CREG2: variants seen among roughly 807,000 people sequenced by gnomAD.
CREG2 encodes the protein cellular repressor of E1A stimulated genes 2.
Under a neutral mutation model 26.2 loss-of-function variants are expected in CREG2, and 24 were observed. The observed-to-expected ratio is 0.92, with a 90% CI of 0.66 to 1.29. The LOEUF is 1.29. Among genes scored for constraint, CREG2 ranks in the 50% most tolerant of loss-of-function variants. CREG2 has a pLI of 0.00. For synonymous variants in CREG2, 174 were observed against 169.2 expected (o/e 1.03, Z -0.22); for missense variants, 366 against 398.6 (o/e 0.92, Z 0.70).
At chr2:101,373,772 G>A (rs185663362) in intron 2 of CREG2, among the ~76,000 whole-genome samples, 37 of 152,230 alleles carry the variant, frequency 2.4e-4, no homozygotes, top group African/African-American at 8.7e-4. Context: ...ATATGACCTC[G>A]GAAACCAGAG....
At position 101,348,303 on chromosome 2, in the gene CREG2, C is replaced by T. The variant is rs541191211; in HGVS notation, c.*2620G>A. The T allele has an allele frequency of 1.2e-4, 19 of 152,328 alleles. No homozygotes were observed. Among genetic ancestry groups the T allele is most frequent in the African/African-American group, 4.6e-4 (19 of 41,580 alleles). The allele number at this position is 152,328 out of a possible 1,614,324, so 9.4% of individuals were successfully genotyped here. On this transcript the variant is annotated 3_prime_UTR_variant, in exon 4 of 4. Transcript: ENST00000324768. ...TCAATGCCTGTGCCTTTCCATGTAACTTTTAAAATAAGCTTGTATAGGTCT... is the reference window on the plus strand; with the variant it reads ...TCAATGCCTGTGCCTTTCCATGTAATTTTTAAAATAAGCTTGTATAGGTCT...
intron 1 of CREG2, among the ~76,000 whole-genome samples, chr2:101,385,037 G>C (rs1468046187): frequency 1.3e-5 from 2 of 152,160 alleles, no homozygotes; most frequent in East Asian, 3.9e-4. Flanking sequence ...ATGCAGAACT[G>C]TGAGCCAAAT....
chr2:101,359,351 T>G (rs1315992959), intron 2 of CREG2, among the ~76,000 whole-genome samples: 7 of 152,202 alleles, frequency 4.6e-5, no homozygotes, highest in Admixed American at 4.6e-4. Context: ...TTATGGGACT[T>G]GTACACATGC....
chr2:101,363,240 AT>A (rs1453792755), intron 2 of CREG2, among the ~76,000 whole-genome samples: 1 of 152,210 alleles, frequency 6.6e-6, no homozygotes, highest in Admixed American at 6.5e-5. Flanking sequence ...TGGGAGAATG[AT>A]CAGTCACAGC....
At chr2:101,359,832 C>T (rs1361779534) in intron 2 of CREG2, among the ~76,000 whole-genome samples, 1 of 152,330 alleles carries the variant, frequency 6.6e-6, no homozygotes. Flanking sequence ...AACCAGACTC[C>T]CTGGGAAAAG....
At chr2:101,358,751 G>GCAGGAGTGAGAGTTTATTAAAAA (rs1684497781) in intron 2 of CREG2, among the ~76,000 whole-genome samples, 1 of 110,498 alleles carries the variant, frequency 9.0e-6, no homozygotes, top group African/African-American at 2.8e-5. Context: ...TGAGAACTGA[G>GCAGGAGTGAGAGTTTATTAAAAA]GTGGCCGGGC....
intron 2 of CREG2, among the ~76,000 whole-genome samples, chr2:101,358,331 C>T (rs1684492205): frequency 6.6e-6 from 1 of 152,184 alleles, no homozygotes; most frequent in Non-Finnish European, 1.5e-5. Context: ...CCAGACTCCA[C>T]CTCTCCTCTA....
Position 101,345,988 on chromosome 2 carries a change from T to C in CREG2, c.*4935A>G, listed in dbSNP as rs920037809. ...ACAGGTGTGCACCACCATGCTGGGC[T>C]TTTTTTTTTTTTTTTTTAATAAATA... On this transcript the variant is annotated 3_prime_UTR_variant, in exon 4 of 4. Transcript: ENST00000324768. 26 of 5,094 alleles carry C rather than the reference T, an allele frequency of 5.1e-3. No individual in the cohort carries two copies. The highest frequency in any genetic ancestry group is 7.8e-3 in the African/African-American group (26 of 3,352). The allele number at this position is 5,094 out of a possible 1,614,324, so 0.3% of individuals were successfully genotyped here.
chr2:101,380,449 G>A (rs538472541), intron 2 of CREG2, among the ~76,000 whole-genome samples: 5 of 152,312 alleles, frequency 3.3e-5, no homozygotes, highest in African/African-American at 7.2e-5. Context: ...AAACGGCCGC[G>A]AAGGCACCCC....
At chr2:101,376,651 T>C (rs1315593456) in intron 2 of CREG2, among the ~76,000 whole-genome samples, 3 of 152,204 alleles carry the variant, frequency 2.0e-5, no homozygotes. Flanking sequence ...AGTTCTGTAT[T>C]CTGGTAGGGT....
chr2:101,358,757 C>CACTTGGAA (rs1684498475), intron 2 of CREG2, among the ~76,000 whole-genome samples: 1 of 25,820 alleles, frequency 3.9e-5, no homozygotes, highest in African/African-American at 6.6e-5. Context: ...CTGAGGTGGC[C>CACTTGGAA]GGGCGCGGTG....
chr2:101,379,743 G>A (rs1260774494), intron 2 of CREG2, among the ~76,000 whole-genome samples: 4 of 152,188 alleles, frequency 2.6e-5, no homozygotes, highest in Non-Finnish European at 4.4e-5. Context: ...GGCAGACACC[G>A]CTATTTATTC....
At position 101,348,689 on chromosome 2, in the gene CREG2, A is replaced by AAG. The variant is rs1684336770; in HGVS notation, c.*2233_*2234insCT. ...CTAGTTCCAGAGTTTTTTTTTAAAAAAAATAGATTATTTGGAATTTCTATG... is the reference window on the plus strand; with the variant it reads ...CTAGTTCCAGAGTTTTTTTTTAAAAAAGAAATAGATTATTTGGAATTTCTATG... On this transcript the variant is annotated 3_prime_UTR_variant, in exon 4 of 4. Coordinates refer to ENST00000324768, the MANE Select transcript of CREG2 (RefSeq NM_153836.4). 1 of 152,098 alleles carries AAG rather than the reference A, an allele frequency of 6.6e-6. No individual in the cohort carries two copies. Among genetic ancestry groups the AAG allele is most frequent in the Non-Finnish European group, 1.5e-5 (1 of 68,020 alleles). 9.4% of individuals were successfully genotyped at this position (152,098 alleles called of 1,614,324 possible).
chr2:101,359,309 C>T (rs954611934), intron 2 of CREG2, among the ~76,000 whole-genome samples: 16 of 152,178 alleles, frequency 1.1e-4, no homozygotes, highest in Non-Finnish European at 1.9e-4. Context: ...CAGTGGCCTG[C>T]CAGCTCTTGG....
At chr2:101,360,403 T>C (rs761152315) in intron 2 of CREG2, among the ~76,000 whole-genome samples, 13 of 152,132 alleles carry the variant, frequency 8.5e-5, no homozygotes, top group Non-Finnish European at 1.6e-4. Flanking sequence ...CTCATTTTGG[T>C]TATCAAGAAA....
chr2:101,370,231 C>T (rs1684683792), intron 2 of CREG2, among the ~76,000 whole-genome samples: 1 of 152,150 alleles, frequency 6.6e-6, no homozygotes, highest in African/African-American at 2.4e-5. Flanking sequence ...TTCATGTATA[C>T]CATATACTGT....
rs1160341414 is a variant in CREG2 at position 101,357,971 on chromosome 2, C to T, written c.612-2605G>A. Among the ~76,000 whole-genome samples the T allele has an allele frequency of 8.8e-5, 8 of 90,456 alleles. No homozygotes were observed. The South Asian group carries it at 1.4e-3, about 16-fold the overall frequency. 59.3% of individuals were successfully genotyped at this position (90,456 alleles called of 152,430 possible). A position where few individuals can be genotyped will look rare whatever the true frequency, so the allele number is the denominator to read the frequency against. ...CAGCCTGGGCGACAGAGCGAGACTC[C>T]GTCTCAAAAAAAAAAAAAAAAAGCT... On this transcript the variant is annotated intron_variant, in intron 2 of 3. Coordinates refer to ENST00000324768, the MANE Select transcript of CREG2 (RefSeq NM_153836.4).
intron 2 of CREG2, among the ~76,000 whole-genome samples, chr2:101,359,413 A>C: frequency 6.6e-6 from 1 of 152,120 alleles, no homozygotes; most frequent in African/African-American, 2.4e-5. Context: ...AAGGTCACAT[A>C]CCAGTTAAAC....
At chr2:101,359,854 C>T (rs1357992108) in intron 2 of CREG2, among the ~76,000 whole-genome samples, 1 of 152,234 alleles carries the variant, frequency 6.6e-6, no homozygotes, top group African/African-American at 2.4e-5. Flanking sequence ...TGAAAGGCTT[C>T]AGGGGTCTCC....
Sources: allele counts gnomAD v4.1 joint callset (sites outside exome capture counted in the v4.1 genomes callset), GRCh38; gene constraint gnomAD v4.1.1; transcripts MANE v1.5; gene names NCBI Gene and HGNC (gene_info 2026-07-23, HGNC 2026-07-21).